The following SLC9C1 variants were observed in gnomAD, a reference collection of about 807,000 sequenced individuals.
SLC9C1 encodes solute carrier family 9 member C1.
A neutral mutation model predicts 140.9 loss-of-function variants in SLC9C1; 97 were observed. The ratio of observed to expected loss-of-function variants is 0.69; its 90% CI spans 0.58 to 0.82. The LOEUF (loss-of-function observed/expected upper bound fraction) is 0.82, where lower values mean the gene tolerates loss of function less well. Among genes scored for constraint, SLC9C1 ranks in the 40% least tolerant of loss-of-function variants. SLC9C1 has a pLI of 0.00. For missense variants in SLC9C1, 1,340 were observed against 1,389.3 expected (o/e 0.96, Z 0.56); for synonymous variants, 440 against 442.6 (o/e 0.99, Z 0.07).
intron 13 of SLC9C1, among the ~76,000 whole-genome samples, chr3:112,230,648 G>GC (rs1270233132): frequency 3.3e-5 from 5 of 152,118 alleles, no homozygotes; most frequent in Non-Finnish European, 7.4e-5. Flanking sequence ...GTTAGACTGA[G>GC]CAGGTAGAGT....
intron 20 of SLC9C1, among the ~76,000 whole-genome samples, chr3:112,191,350 C>T (rs749121874): frequency 2.0e-5 from 3 of 152,006 alleles, no homozygotes; most frequent in Non-Finnish European, 4.4e-5. Flanking sequence ...GCCTTTATTG[C>T]GTTGAGATAC....
intron 20 of SLC9C1, among the ~76,000 whole-genome samples, chr3:112,183,377 A>G (rs1576291655): frequency 2.3e-5 from 1 of 43,094 alleles, no homozygotes; most frequent in Non-Finnish European, 4.6e-5. Flanking sequence ...TTTTCAGCCA[A>G]TCACAAAAAA....
chr3:112,185,921 G>A, intron 20 of SLC9C1: 5 of 1,571,396 alleles, frequency 3.2e-6, no homozygotes, highest in Non-Finnish European at 4.3e-6. Context: ...GCCCCGCCGG[G>A]AAATAGCCAG....
chr3:112,153,778 C>T (rs1048692062), intron 27 of SLC9C1, among the ~76,000 whole-genome samples: 1 of 152,156 alleles, frequency 6.6e-6, no homozygotes, highest in East Asian at 1.9e-4. Context: ...GTGGTAGAAT[C>T]TGAGTCAATT....
intron 7 of SLC9C1, among the ~76,000 whole-genome samples, chr3:112,269,541 T>C (rs930616545): frequency 3.3e-5 from 5 of 152,268 alleles, no homozygotes; most frequent in Admixed American, 6.5e-5. Context: ...ATATGCATTC[T>C]GTTTTGGGAG....
At position 112,151,882 on chromosome 3, in the gene SLC9C1, G is replaced by A; in HGVS notation, c.3499C>T (p.Pro1167Ser). 1.2e-5 allele frequency: 19 copies of A among 1,612,336 alleles called. No individual in the cohort carries two copies. The highest frequency in any genetic ancestry group is 1.6e-5 in the Non-Finnish European group (19 of 1,179,518). ...CTGACTTTCCTTAGGTTTATTCTAG[G>A]GGACTCCTTACAGTTGAACTTTGTC... is the stretch of plus-strand genomic sequence containing the variant. ...LGTKFNCKES[P>S]RINLRKVRKE The change falls in exon 28 of 29, where the codon CCT becomes TCT. Residue 1167 changes from proline (P) to serine (S), a missense_variant. Pro to Ser is a moderately conservative substitution (Grantham distance 74, BLOSUM62 -1). Coordinates refer to ENST00000305815, the MANE Select transcript of SLC9C1 (RefSeq NM_183061.3).
chr3:112,202,524 TGTCAAG>T, intron 17 of SLC9C1, 125 bp from the exon 18 acceptor site: 1 of 887,756 alleles, frequency 1.1e-6, no homozygotes, highest in Non-Finnish European at 1.6e-6. Context: ...TACAATAACC[TGTCAAG>T]GTTCTTTGTT....
At chr3:112,247,820 A>G (rs539860779) in intron 10 of SLC9C1, among the ~76,000 whole-genome samples, 54 of 152,192 alleles carry the variant, frequency 3.5e-4, no homozygotes, top group Non-Finnish European at 6.9e-4. Flanking sequence ...CACATACTGC[A>G]TACATCTCAC....
At chr3:112,163,771 G>A (rs1225253800) in intron 26 of SLC9C1, among the ~76,000 whole-genome samples, 2 of 152,170 alleles carry the variant, frequency 1.3e-5, no homozygotes, top group African/African-American at 2.4e-5. Context: ...GGAGAGTTCT[G>A]TAGATGTCTA....
chr3:112,169,354 TA>T, intron 23 of SLC9C1, 26 bp from the exon 24 acceptor site: 1 of 1,595,432 alleles, frequency 6.3e-7, no homozygotes, highest in Non-Finnish European at 8.5e-7. Flanking sequence ...GTAAATTTGA[TA>T]TTTTATTTTG....
At position 112,179,658 on chromosome 3, in the gene SLC9C1, T is replaced by G. The variant is rs2077402392; in HGVS notation, c.2792A>C (p.Glu931Ala). The G allele has an allele frequency of 6.2e-7, 1 of 1,611,408 alleles. No individual in the cohort carries two copies. The highest frequency in any genetic ancestry group is 1.3e-5 in the African/African-American group (1 of 74,844). ...TATCGGAAAATCTTTCTCCTTTGAC[T>G]CCACCATTTGATCAATCCCTAAACC... ...KPGLGIDQMV[E>A]SKEKDFPIID... The change falls in exon 23 of 29, where the codon GAG (glutamate) becomes GCG (alanine). Residue 931 changes from glutamate to alanine, a missense_variant. Coordinates refer to ENST00000305815, the MANE Select transcript of SLC9C1 (RefSeq NM_183061.3).
intron 10 of SLC9C1, among the ~76,000 whole-genome samples, chr3:112,246,636 T>C (rs1329823076): frequency 6.6e-6 from 1 of 152,134 alleles, no homozygotes; most frequent in Non-Finnish European, 1.5e-5. Flanking sequence ...TGTACCAAGA[T>C]GATAACTTTT....
chr3:112,248,823 C>T (rs544614304), intron 10 of SLC9C1, among the ~76,000 whole-genome samples: 9 of 152,052 alleles, frequency 5.9e-5, no homozygotes, highest in Non-Finnish European at 1.2e-4. Flanking sequence ...CCCCTCTATC[C>T]GATTAAAGTA....
In SLC9C1 at chr3:112,254,067, A is replaced by G. The variant is rs115524741; in HGVS notation, c.1197+8857T>C. Among the ~76,000 whole-genome samples, 946 of 152,286 alleles carry G rather than the reference A, an allele frequency of 6.2e-3. 14 individuals are homozygous for G. Among genetic ancestry groups the G allele is most frequent in the African/African-American group, 0.022 (905 of 41,572 alleles). ...AAAAGAATGAAAAAGTTTAAACAAA[A>G]CTTCTGAAAAATATGGGATTATGTA... On this transcript the variant is annotated intron_variant, in intron 10 of 28. Coordinates refer to ENST00000305815, the MANE Select transcript of SLC9C1 (RefSeq NM_183061.3).
In SLC9C1 at chr3:112,244,069, A is replaced by G; in HGVS notation, c.1205T>C (p.Phe402Ser). The change falls in exon 11 of 29, where the codon TTT becomes TCT. Residue 402 changes from phenylalanine (F) to serine (S), a missense_variant. Physicochemically the swap from Phe to Ser is radical, Grantham distance 155. Coordinates refer to ENST00000305815, the MANE Select transcript of SLC9C1 (RefSeq NM_183061.3). The stretch of plus-strand genomic sequence containing the variant: ...TATTAGGCATACTAACACTCCATGA[A>G]ATAATATCTAGAATTGAAAAAAATA... Reference protein sequence around the residue: ...GSDKEKSQILFHGVLVCLITL... With the variant: ...GSDKEKSQILSHGVLVCLITL... 2 of 1,593,900 alleles carry G rather than the reference A, an allele frequency of 1.3e-6. No homozygotes were observed. Among genetic ancestry groups the G allele is most frequent in the South Asian group, 1.1e-5 (1 of 87,656 alleles).
At chr3:112,257,282 T>A (rs1420820494) in intron 10 of SLC9C1, among the ~76,000 whole-genome samples, 1 of 152,120 alleles carries the variant, frequency 6.6e-6, no homozygotes, top group Non-Finnish European at 1.5e-5. Context: ...GGCATCACAT[T>A]ACCTGACTTC....
At chr3:112,207,098 G>T (rs191116268) in intron 16 of SLC9C1, among the ~76,000 whole-genome samples, 1 of 152,174 alleles carries the variant, frequency 6.6e-6, no homozygotes, top group East Asian at 1.9e-4. Flanking sequence ...GCATCTATTC[G>T]AAGGGAGAAA....
At position 112,277,676 on chromosome 3, in the gene SLC9C1, AAG is replaced by A; in HGVS notation, c.484+17_484+18del. ...AAATATGATATTATAAATATAGAAA[AAG>A]AGAACAATATACCTACCAAGGTCTC... On this transcript the variant is annotated intron_variant, in intron 5 of 28. Coordinates refer to ENST00000305815, the MANE Select transcript of SLC9C1 (RefSeq NM_183061.3). The A allele has an allele frequency of 6.7e-7, 1 of 1,499,962 alleles. No homozygotes were observed. The highest frequency in any genetic ancestry group is 8.9e-7 in the Non-Finnish European group (1 of 1,125,742). 92.9% of individuals were successfully genotyped at this position (1,499,962 alleles called of 1,614,324 possible).
intron 28 of SLC9C1, among the ~76,000 whole-genome samples, chr3:112,150,834 ATATATATT>A (rs2074949413): frequency 4.2e-5 from 2 of 47,074 alleles, no homozygotes; most frequent in South Asian, 9.4e-4. Context: ...ATATATATAT[ATATATATT>A]TTTTTTTTTT....
Sources: gnomAD v4.1 joint callset for allele counts (sites outside exome capture counted in the v4.1 genomes callset) on GRCh38, gnomAD v4.1.1 for gene constraint, MANE v1.5 for transcripts, NCBI Gene and HGNC (gene_info 2026-07-23, HGNC 2026-07-21) for gene names.